The following TCF4 variants were observed in gnomAD, a reference collection of about 807,000 sequenced individuals.
The protein encoded by TCF4 is SL3-3 enhancer factor 2.
A neutral mutation model predicts 82.1 loss-of-function variants in TCF4; 3 were observed. The observed-to-expected ratio is 0.04, with a 90% confidence interval of 0.02 to 0.09. The LOEUF is 0.09. Among genes scored for constraint, TCF4 ranks in the 10% least tolerant of loss-of-function variants. The pLI is 1.00. For missense variants in TCF4, 518 were observed against 852.7 expected (o/e 0.61, Z 4.89); for synonymous variants, 276 against 309.6 (o/e 0.89, Z 1.14).
chr18:55,410,837 G>A (rs748494961), intron 5 of TCF4, among the ~76,000 whole-genome samples: 9 of 152,036 alleles, frequency 5.9e-5, no homozygotes, highest in African/African-American at 1.9e-4. Context: ...GAAAATGTCC[G>A]AATCGATAAG....
intron 8 of TCF4, among the ~76,000 whole-genome samples, chr18:55,309,277 AAT>A (rs1491372503): frequency 7.8e-6 from 1 of 128,022 alleles, no homozygotes; most frequent in African/African-American, 3.0e-5. Flanking sequence ...ATGCCTGGCT[AAT>A]TTTTTTTTTT....
At chr18:55,521,950 C>A (rs963052411) in intron 3 of TCF4, among the ~76,000 whole-genome samples, 1 of 152,110 alleles carries the variant, frequency 6.6e-6, no homozygotes, top group Admixed American at 6.5e-5. Context: ...CATGAACAGT[C>A]GGATGGAAAC....
intron 3 of TCF4, among the ~76,000 whole-genome samples, chr18:55,533,625 C>G (rs1393333360): frequency 6.6e-6 from 1 of 152,198 alleles, no homozygotes; most frequent in Non-Finnish European, 1.5e-5. Context: ...TGACGTTTTT[C>G]ACAATGAAAC....
At chr18:55,438,363 CT>C (rs1312126593) in intron 5 of TCF4, among the ~76,000 whole-genome samples, 1 of 152,076 alleles carries the variant, frequency 6.6e-6, no homozygotes, top group Non-Finnish European at 1.5e-5. Flanking sequence ...TTAGTACCCC[CT>C]CAATAAGATG....
chr18:55,603,154 G>A (rs190740752), intron 2 of TCF4, among the ~76,000 whole-genome samples: 7 of 152,044 alleles, frequency 4.6e-5, no homozygotes, highest in Admixed American at 6.5e-5. Context: ...ATTCTTTGAC[G>A]TGGAAGTATA....
chr18:55,419,545 AG>A (rs770523848), intron 5 of TCF4, among the ~76,000 whole-genome samples: 1 of 152,326 alleles, frequency 6.6e-6, no homozygotes, highest in East Asian at 1.9e-4. Context: ...ATTATCTTAT[AG>A]GGTTTTTAAA....
At chr18:55,545,031 C>G (rs2097194155) in intron 3 of TCF4, among the ~76,000 whole-genome samples, 1 of 152,152 alleles carries the variant, frequency 6.6e-6, no homozygotes, top group South Asian at 2.1e-4. Context: ...AGTGATTGCA[C>G]ACAGAAACTC....
chr18:55,409,962 G>C (rs2094277186), intron 5 of TCF4, among the ~76,000 whole-genome samples: 1 of 152,140 alleles, frequency 6.6e-6, no homozygotes, highest in Non-Finnish European at 1.5e-5. Context: ...TTACGATACA[G>C]GGACAACTCT....
chr18:55,468,984 T>C (rs552376557), intron 3 of TCF4, among the ~76,000 whole-genome samples: 188 of 150,784 alleles, frequency 1.2e-3, no homozygotes, highest in Non-Finnish European at 1.8e-3. Context: ...AAGTAGATGA[T>C]AGAAATTCCT....
At chr18:55,307,992 A>G (rs2070943378) in intron 8 of TCF4, among the ~76,000 whole-genome samples, 1 of 152,230 alleles carries the variant, frequency 6.6e-6, no homozygotes, top group Non-Finnish European at 1.5e-5. Context: ...TATGGTTATC[A>G]CTGAAAAGTA....
At chr18:55,426,861 GAC>G (rs879617774) in intron 5 of TCF4, among the ~76,000 whole-genome samples, 1 of 150,998 alleles carries the variant, frequency 6.6e-6, no homozygotes, top group South Asian at 2.1e-4. Flanking sequence ...GACACACAAA[GAC>G]ACACACACAC....
At chr18:55,411,743 A>AT (rs925453545) in intron 5 of TCF4, among the ~76,000 whole-genome samples, 1 of 151,530 alleles carries the variant, frequency 6.6e-6, no homozygotes, top group African/African-American at 2.4e-5. Context: ...TTTTATTTTT[A>AT]TTTTTTTCTT....
intron 6 of TCF4, among the ~76,000 whole-genome samples, chr18:55,390,341 A>ATAGTAACCATG (rs749805105): frequency 0.04 from 6,002 of 151,518 alleles, 190 homozygotes; most frequent in South Asian, 0.17. Flanking sequence ...CATAAATACT[A>ATAGTAACCATG]AGGCCTCATG....
intron 2 of TCF4, among the ~76,000 whole-genome samples, chr18:55,596,932 G>C (rs1388862951): frequency 6.6e-6 from 1 of 152,170 alleles, no homozygotes; most frequent in East Asian, 1.9e-4. Flanking sequence ...CAGTGTTGGA[G>C]GAGGGGCCTG....
chr18:55,254,464 A>C (rs376285609), intron 15 of TCF4, 33 bp downstream of exon 15: 29 of 1,580,122 alleles, frequency 1.8e-5, no homozygotes, highest in Non-Finnish European at 2.5e-5. Flanking sequence ...ACTCTATATG[A>C]TAACTATAGA....
chr18:55,269,587 C>A (rs1359286298), intron 11 of TCF4: 3 of 532,256 alleles, frequency 5.6e-6, no homozygotes, highest in Non-Finnish European at 1.0e-5. Flanking sequence ...CTGTTTGAAC[C>A]CTTGTTCAAT....
intron 2 of TCF4, among the ~76,000 whole-genome samples, chr18:55,613,498 A>G (rs1265870963): frequency 1.3e-5 from 2 of 152,100 alleles, no homozygotes; most frequent in Admixed American, 1.3e-4. Context: ...TATTTTCTGT[A>G]TTAGTCTGTT....
intron 7 of TCF4, 53 bp from the exon 8 acceptor site, chr18:55,350,461 A>C (rs1223029897): frequency 6.3e-7 from 1 of 1,594,206 alleles, no homozygotes; most frequent in Non-Finnish European, 8.6e-7. Flanking sequence ...TTCCTAACTA[A>C]GATAGGTTAA....
chr18:55,588,512 C>T, upstream of TCF4: 1 of 1,535,028 alleles, frequency 6.5e-7, no homozygotes, highest in Non-Finnish European at 8.7e-7. Context: ...GAAGCCTGAA[C>T]AGTTCAGTTT....
Sources: allele counts gnomAD v4.1 joint callset (sites outside exome capture counted in the v4.1 genomes callset), GRCh38; gene constraint gnomAD v4.1.1; transcripts MANE v1.5; gene names NCBI Gene and HGNC (gene_info 2026-07-23, HGNC 2026-07-21).